The following KLRG2 variants were observed in gnomAD, a reference collection of about 807,000 sequenced individuals.
The protein encoded by KLRG2 is killer cell lectin-like receptor subfamily G member 2.
Under a neutral mutation model 35.4 loss-of-function variants are expected in KLRG2, and 39 were observed. The ratio of observed to expected loss-of-function variants is 1.10; its 90% CI spans 0.85 to 1.44. KLRG2 has a LOEUF of 1.44. KLRG2 is among the 40% of genes most tolerant of loss of function. The pLI is 0.00. For synonymous variants in KLRG2, 283 were observed against 265.8 expected (o/e 1.06, Z -0.63); for missense variants, 632 against 570.9 (o/e 1.11, Z -1.09).
Position 139,452,979 on chromosome 7 carries a change from C to T in KLRG2, c.*608G>A, listed in dbSNP as rs998886596. 6.5e-6 allele frequency: 1 copy of T among 153,426 alleles called. No homozygotes were observed. The highest frequency in any genetic ancestry group is 1.4e-5 in the Non-Finnish European group (1 of 69,022). 9.5% of individuals were successfully genotyped at this position (153,426 alleles called of 1,614,324 possible). A position where few individuals can be genotyped will look rare whatever the true frequency, so the allele number is the denominator to read the frequency against. On this transcript the variant is annotated 3_prime_UTR_variant, in exon 5 of 5. Transcript: ENST00000340940. ...GGCCAGCCCACATGCGGGATCTCCA[C>T]CCAGAACCTTCCTGTCTGCCAACCC... is the stretch of plus-strand genomic sequence containing the variant.
intron 3 of KLRG2, among the ~76,000 whole-genome samples, chr7:139,471,706 C>T (rs73733099): frequency 0.029 from 4,373 of 152,196 alleles, 219 homozygotes; most frequent in African/African-American, 0.1. Flanking sequence ...CGCAAGGGTC[C>T]CTAGGGGTTC....
At chr7:139,434,520 G>A in the KLRG2 span, among the ~76,000 whole-genome samples, 7 of 152,298 alleles carry the variant, frequency 4.6e-5, no homozygotes, top group Admixed American at 1.3e-4. Flanking sequence ...AAGCAGTATG[G>A]ATTCCTTGTG....
intron 1 of KLRG2, among the ~76,000 whole-genome samples, chr7:139,481,843 C>T (rs578164644): frequency 1.3e-5 from 2 of 152,052 alleles, no homozygotes; most frequent in South Asian, 4.2e-4. Flanking sequence ...AGGAGAATCG[C>T]TTGAATCCAG....
At chr7:139,446,206 G>T in the KLRG2 span, among the ~76,000 whole-genome samples, 12 of 151,996 alleles carry the variant, frequency 7.9e-5, no homozygotes, top group Admixed American at 7.2e-4. Context: ...TCAAAACAAT[G>T]CAAAATTTGT....
At chr7:139,451,493 G>A (rs988209259), downstream of KLRG2, among the ~76,000 whole-genome samples, 6 of 151,706 alleles carry the variant, frequency 4.0e-5, no homozygotes, top group African/African-American at 7.3e-5. Context: ...AGCGAGACTC[G>A]GCCTCAAAAA....
At chr7:139,445,452 C>A in the KLRG2 span, among the ~76,000 whole-genome samples, 1 of 151,930 alleles carries the variant, frequency 6.6e-6, no homozygotes, top group Admixed American at 6.6e-5. Context: ...TAATCAAGCA[C>A]ACAGATGATT....
chr7:139,480,659 T>C (rs1294519030), intron 1 of KLRG2, among the ~76,000 whole-genome samples: 1 of 151,218 alleles, frequency 6.6e-6, no homozygotes, highest in Middle Eastern at 3.4e-3. Flanking sequence ...GTTGGCCAGG[T>C]TGGTCTTGAA....
Position 139,454,125 on chromosome 7 carries a change from T to C in KLRG2, c.1095A>G (p.Pro365=). ...TGGTCACTCACAGCTGGGGCGGGAG[T>C]GGGGCCTCGTCGATCCAGTGCCAGC... ...PQGWHWIDEA[P]LPPQLLPEDG... Residue 365 remains proline, a synonymous_variant, in exon 4 of 5, where the codon CCA becomes CCG. Coordinates refer to ENST00000340940, the MANE Select transcript of KLRG2 (RefSeq NM_198508.4). 1 of 1,534,334 alleles carries C rather than the reference T, an allele frequency of 6.5e-7. No individual in the cohort carries two copies. The highest frequency in any genetic ancestry group is 8.8e-7 in the Non-Finnish European group (1 of 1,132,852).
At chr7:139,437,017 A>G in the KLRG2 span, among the ~76,000 whole-genome samples, 1 of 152,210 alleles carries the variant, frequency 6.6e-6, no homozygotes, top group South Asian at 2.1e-4. Flanking sequence ...GGAGCTTGAC[A>G]GGGGACGAAG....
At chr7:139,432,006 T>C in the KLRG2 span, among the ~76,000 whole-genome samples, 2 of 151,510 alleles carry the variant, frequency 1.3e-5, no homozygotes, top group African/African-American at 2.4e-5. Context: ...GAATATGGTG[T>C]TTTTTAAAAA....
At chr7:139,474,369 CG>C (rs1256670391) in intron 3 of KLRG2, among the ~76,000 whole-genome samples, 1 of 152,118 alleles carries the variant, frequency 6.6e-6, no homozygotes, top group Non-Finnish European at 1.5e-5. Context: ...CTGACAGTCA[CG>C]GAGAATTCTG....
chr7:139,459,298 C>G (rs749625192), intron 3 of KLRG2, among the ~76,000 whole-genome samples: 2 of 152,138 alleles, frequency 1.3e-5, no homozygotes, highest in African/African-American at 2.4e-5. Flanking sequence ...TTGCTGTGCT[C>G]AATCTGTCTG....
At chr7:139,438,880 G>A in the KLRG2 span, among the ~76,000 whole-genome samples, 1 of 151,450 alleles carries the variant, frequency 6.6e-6, no homozygotes. Context: ...TCTCCACATT[G>A]GTCAGGCTGG....
Position 139,483,582 on chromosome 7 carries a change from GCTC to G in KLRG2, c.58_60del (p.Glu20del), listed in dbSNP as rs1232465538. 1 of 1,596,282 alleles carries G rather than the reference GCTC, an allele frequency of 6.3e-7. No individual in the cohort carries two copies. The highest frequency in any genetic ancestry group is 8.5e-7 in the Non-Finnish European group (1 of 1,178,258). ...AGCGTGGGGACCAGGCTTCCCACGG[GCTC>G]CATTGGGAGCTCTGCCCCGGCTTGG... On this transcript the variant is annotated inframe_deletion, in exon 1 of 5. Coordinates refer to ENST00000340940, the MANE Select transcript of KLRG2 (RefSeq NM_198508.4).
intron 3 of KLRG2, among the ~76,000 whole-genome samples, chr7:139,470,895 T>G (rs1208039336): frequency 2.0e-5 from 3 of 151,160 alleles, no homozygotes; most frequent in African/African-American, 7.3e-5. Context: ...CAGGCTGGAG[T>G]GCAATGGCAC....
chr7:139,476,502 C>T (rs1406525931), intron 3 of KLRG2, among the ~76,000 whole-genome samples: 4 of 151,694 alleles, frequency 2.6e-5, no homozygotes, highest in Admixed American at 6.6e-5. Flanking sequence ...AGAGCAGTGG[C>T]GCGATCTTGG....
chr7:139,444,777 G>A, the KLRG2 span, among the ~76,000 whole-genome samples: 1 of 152,108 alleles, frequency 6.6e-6, no homozygotes, highest in Admixed American at 6.6e-5. Flanking sequence ...TCACTATTAC[G>A]ACGACACAAA....
Position 139,452,787 on chromosome 7 carries a change from T to G in KLRG2, c.*800A>C, listed in dbSNP as rs1796394840. On this transcript the variant is annotated 3_prime_UTR_variant, in exon 5 of 5. Coordinates refer to ENST00000340940, the MANE Select transcript of KLRG2 (RefSeq NM_198508.4). ...TTCAGGTTGGTCGTCTCTGCAGCTG[T>G]GGGTAGAAGAGCTGCCTGGAACGTG... 1 of 152,362 alleles carries G rather than the reference T, an allele frequency of 6.6e-6. No individual in the cohort carries two copies. The highest frequency in any genetic ancestry group is 1.5e-5 in the Non-Finnish European group (1 of 68,120). 9.4% of individuals were successfully genotyped at this position (152,362 alleles called of 1,614,324 possible).
intron 3 of KLRG2, among the ~76,000 whole-genome samples, chr7:139,454,672 T>C (rs957241617): frequency 4.0e-5 from 6 of 149,912 alleles, no homozygotes; most frequent in Non-Finnish European, 5.9e-5. Flanking sequence ...AAAAATTAGC[T>C]GGGCATGGTG....
Sources: gnomAD v4.1 joint callset for allele counts (sites outside exome capture counted in the v4.1 genomes callset) on GRCh38, gnomAD v4.1.1 for gene constraint, MANE v1.5 for transcripts, NCBI Gene and HGNC (gene_info 2026-07-23, HGNC 2026-07-21) for gene names.